Variants in ZSWIM5 observed in about 807,000 individuals in gnomAD.
ZSWIM5 encodes zinc finger SWIM-type containing 5, also known as zinc finger SWIM domain-containing protein 5.
ZSWIM5 carries 55 observed loss-of-function variants against 119.6 expected under a neutral mutation model. The ratio of observed to expected loss-of-function variants is 0.46; its 90% confidence interval spans 0.37 to 0.58. The LOEUF is 0.58. Among genes scored for constraint, ZSWIM5 ranks in the 20% least tolerant of loss-of-function variants. ZSWIM5 has a pLI of 0.00. For missense variants in ZSWIM5, 1,193 were observed against 1,512.8 expected, an observed-to-expected ratio of 0.79 and a Z score of 3.51; for synonymous variants, 537 against 606.9, an observed-to-expected ratio of 0.88 and a Z score of 1.69.
rs756817241 is a variant in ZSWIM5 at position 45,016,828 on chromosome 1, CAG to C, written c.*1624_*1625del. On this transcript the variant is annotated 3_prime_UTR_variant, in exon 14 of 14. Transcript: ENST00000359600. ...TCCTATAACAATTCCAGGCTGAGCA[CAG>C]GGGTCAGGAAGGTAGCAGGAACATG... The C allele has an allele frequency of 3.3e-5, 5 of 152,214 alleles. No individual in the cohort carries two copies. Among genetic ancestry groups the C allele is most frequent in the African/African-American group, 4.8e-5 (2 of 41,420 alleles). The allele number at this position is 152,214 out of a possible 1,614,324, so 9.4% of individuals were successfully genotyped here. A position where few individuals can be genotyped will look rare whatever the true frequency, so the allele number is the denominator to read the frequency against.
chr1:45,053,127 C>CAAAAAAA (rs60199581), intron 4 of ZSWIM5, among the ~76,000 whole-genome samples: 50 of 122,146 alleles, frequency 4.1e-4, no homozygotes, highest in East Asian at 9.7e-4. Context: ...CCGTCTCAAA[C>CAAAAAAA]AAAAAAAAAA....
At chr1:45,025,572 G>A (rs1205886832) in intron 11 of ZSWIM5, among the ~76,000 whole-genome samples, 2 of 152,020 alleles carry the variant, frequency 1.3e-5, no homozygotes, top group Admixed American at 6.6e-5. Flanking sequence ...TTTTTGGGGT[G>A]CTAATGTAAA....
At position 45,087,921 on chromosome 1, in the gene ZSWIM5, A is replaced by G. The variant is rs1645341199; in HGVS notation, c.912T>C (p.Asp304=). Residue 304 remains aspartate, a synonymous_variant, in exon 2 of 14, where the codon GAT becomes GAC. Coordinates refer to ENST00000359600, the MANE Select transcript of ZSWIM5 (RefSeq NM_020883.2). The part of the protein sequence containing the change: ...EVLPTAQKLA[D]EILSSNSEIN... ...TTTCTGAGTTGGAGGATAGAATCTC[A>G]TCTGCCAGTTTCTGTGCAGTAGGAA... The G allele has an allele frequency of 1.2e-6, 2 of 1,612,654 alleles. No individual in the cohort carries two copies. The highest frequency in any genetic ancestry group is 1.1e-5 in the South Asian group (1 of 90,852).
At chr1:45,161,194 G>A (rs1160969403) in intron 1 of ZSWIM5, among the ~76,000 whole-genome samples, 1 of 151,918 alleles carries the variant, frequency 6.6e-6, no homozygotes, top group Admixed American at 6.6e-5. Flanking sequence ...TTTTGCTATT[G>A]TAAATAGTGC....
chr1:45,136,669 T>A (rs1645692281), intron 1 of ZSWIM5, among the ~76,000 whole-genome samples: 1 of 152,236 alleles, frequency 6.6e-6, no homozygotes, highest in Admixed American at 6.5e-5. Flanking sequence ...TGGAACACGT[T>A]ACCTTCCTCC....
rs1369425236 is a variant in ZSWIM5, at chr1:45,019,385, T to C, written c.2696-69A>G. On this transcript the variant is annotated intron_variant, in intron 13 of 13. Coordinates refer to ENST00000359600, the MANE Select transcript of ZSWIM5 (RefSeq NM_020883.2). This position sits in a 1 kb window ranked among gnomAD's most constrained non-coding sequence, Gnocchi z 5.0. ...GATTCAGGTCTACCCAGATTACCATTTGGGGTTTGAACTTGGCCTGCAGAG... is the reference window on the plus strand; with the variant it reads ...GATTCAGGTCTACCCAGATTACCATCTGGGGTTTGAACTTGGCCTGCAGAG... 1 of 1,536,200 alleles carries C rather than the reference T, an allele frequency of 6.5e-7. No homozygotes were observed. Among genetic ancestry groups the C allele is most frequent in the Admixed American group, 1.9e-5 (1 of 52,934 alleles).
At chr1:45,163,538 G>C (rs1645878684) in intron 1 of ZSWIM5, among the ~76,000 whole-genome samples, 2 of 152,320 alleles carry the variant, frequency 1.3e-5, no homozygotes, top group South Asian at 4.1e-4. Context: ...AGCTAAAGGA[G>C]GATGTTCGAA....
At chr1:45,171,345 T>C (rs1441806236) in intron 1 of ZSWIM5, among the ~76,000 whole-genome samples, 1 of 152,088 alleles carries the variant, frequency 6.6e-6, no homozygotes, top group African/African-American at 2.4e-5. Context: ...TAGCTAAGAC[T>C]CAAAAAATTA....
chr1:45,058,084 T>C lies in ZSWIM5; in HGVS notation c.1252+525A>G, dbSNP rs76417844. Among the ~76,000 whole-genome samples the C allele has an allele frequency of 3.3e-3, 498 of 152,308 alleles. 3 individuals carry two copies. Among genetic ancestry groups the C allele is most frequent in the Middle Eastern group, 6.8e-3 (2 of 294 alleles). ...GAAATGGTCAGTGGACATCTACTCATGTGGGACTATAACTCAGATGAGTAG... is the reference window on the plus strand; with the variant it reads ...GAAATGGTCAGTGGACATCTACTCACGTGGGACTATAACTCAGATGAGTAG... On this transcript the variant is annotated intron_variant, in intron 4 of 13. Transcript: ENST00000359600.
intron 1 of ZSWIM5, among the ~76,000 whole-genome samples, chr1:45,152,611 T>C (rs958646173): frequency 6.6e-5 from 10 of 152,076 alleles, no homozygotes; most frequent in African/African-American, 2.4e-4. Context: ...TCAAGATGGA[T>C]TAAAGATTTA....
rs770544104 is a variant in ZSWIM5 at position 45,018,539 on chromosome 1, T to C, written c.3473A>G (p.Gln1158Arg). Residue 1158 changes from glutamine to arginine, a missense_variant, in exon 14 of 14, where the codon CAG becomes CGG. Around this residue, in one of 2 missense-constraint regions of ZSWIM5, gnomAD observed 961 missense variants for 1,290.0 expected, o/e 0.74. Coordinates refer to ENST00000359600, the MANE Select transcript of ZSWIM5 (RefSeq NM_020883.2). The surrounding 1 kb of genome is among the most constrained non-coding windows in gnomAD (Gnocchi z 6.7). Reference sequence around the variant, plus strand: ...GAGGTTGTCGATGAACTGGGCAAACTGCAGGTGGCCATCCTGGGGCAGCAG... The same window carrying C: ...GAGGTTGTCGATGAACTGGGCAAACCGCAGGTGGCCATCCTGGGGCAGCAG... Reference protein sequence around the residue: ...TFLLPQDGHLQFAQFIDNLKQ... With the variant: ...TFLLPQDGHLRFAQFIDNLKQ... 1.2e-6 allele frequency: 2 copies of C among 1,614,234 alleles called. No individual in the cohort carries two copies. Among genetic ancestry groups the C allele is most frequent in the East Asian group, 2.2e-5 (1 of 44,886 alleles).
intron 1 of ZSWIM5, among the ~76,000 whole-genome samples, chr1:45,112,678 A>G (rs1047973902): frequency 6.6e-5 from 10 of 152,222 alleles, no homozygotes; most frequent in Non-Finnish European, 1.3e-4. Context: ...CTTGTAATTT[A>G]GCATGACCCT....
At chr1:45,073,322 G>A (rs561190700) in intron 2 of ZSWIM5, among the ~76,000 whole-genome samples, 8 of 127,360 alleles carry the variant, frequency 6.3e-5, no homozygotes, top group African/African-American at 9.3e-5. Flanking sequence ...GCAGTGGCAC[G>A]ATCTTAGCTC....
chr1:45,137,427 T>C (rs1452400898), intron 1 of ZSWIM5, among the ~76,000 whole-genome samples: 1 of 151,980 alleles, frequency 6.6e-6, no homozygotes, highest in African/African-American at 2.4e-5. Context: ...AAAAAATAAG[T>C]AAATTGCAGT....
At chr1:45,162,513 G>A (rs1040501586) in intron 1 of ZSWIM5, among the ~76,000 whole-genome samples, 3 of 152,232 alleles carry the variant, frequency 2.0e-5, no homozygotes, top group Non-Finnish European at 4.4e-5. Context: ...AGCCAAAGCA[G>A]GGCGAGGCAT....
Position 45,206,404 on chromosome 1 carries a change from G to C in ZSWIM5, c.-54C>G. 1 of 1,341,748 alleles carries C rather than the reference G, an allele frequency of 7.5e-7. No homozygotes were observed. Among genetic ancestry groups the C allele is most frequent in the East Asian group, 3.1e-5 (1 of 32,116 alleles). 83.1% of individuals were successfully genotyped at this position (1,341,748 alleles called of 1,614,324 possible). On this transcript the variant is annotated 5_prime_UTR_variant, in exon 1 of 14. Transcript: ENST00000359600. Reference sequence around the variant, plus strand: ...GGCGGCGGCTGCTCGGGCTGCGGCGGAGACCCTGGCCACGGCCACGCGCCC... The same window carrying C: ...GGCGGCGGCTGCTCGGGCTGCGGCGCAGACCCTGGCCACGGCCACGCGCCC...
At chr1:45,092,440 G>A (rs906672630) in intron 1 of ZSWIM5, among the ~76,000 whole-genome samples, 2 of 151,482 alleles carry the variant, frequency 1.3e-5, no homozygotes, top group African/African-American at 2.4e-5. Flanking sequence ...GGGATTACAG[G>A]TGCCTGCCAA....
intron 1 of ZSWIM5, among the ~76,000 whole-genome samples, chr1:45,124,806 G>C (rs1482288523): frequency 1.3e-5 from 2 of 152,146 alleles, no homozygotes; most frequent in Non-Finnish European, 2.9e-5. Flanking sequence ...GAAAGTAGTA[G>C]TTATATTACC....
chr1:45,068,493 T>C (rs1645199771), intron 2 of ZSWIM5, among the ~76,000 whole-genome samples: 1 of 41,548 alleles, frequency 2.4e-5, no homozygotes, highest in Admixed American at 2.3e-4. Context: ...CGAAACTCCG[T>C]CTCAAAAAAA....
Sources: gnomAD v4.1 joint callset for allele counts (sites outside exome capture counted in the v4.1 genomes callset) on GRCh38, gnomAD v4.1.1 for gene constraint, gnomAD v4.1.1 regional missense constraint, Gnocchi (gnomAD v3.1) non-coding constraint, MANE v1.5 for transcripts, NCBI Gene and HGNC (gene_info 2026-07-23, HGNC 2026-07-21) for gene names.